Variants in RBM26 observed in about 807,000 individuals in gnomAD.
The protein encoded by RBM26 is RNA-binding protein 26.
In RBM26, 30 loss-of-function variants were observed where a neutral mutation model predicts 123.6. That is an observed-to-expected ratio of 0.24 (90% confidence interval 0.18 to 0.33). The LOEUF (loss-of-function observed/expected upper bound fraction) is 0.33, where lower values mean the gene tolerates loss of function less well. Ranked by LOEUF, RBM26 falls within the 10% of genes least tolerant of loss-of-function variation. The pLI is 1.00. For missense variants in RBM26, 947 were observed against 1,203.6 expected (o/e 0.79, Z 3.15); for synonymous variants, 400 against 404.4 (o/e 0.99, Z 0.13).
chr13:79,370,069 G>C (rs1314269060), intron 5 of RBM26, among the ~76,000 whole-genome samples: 1 of 152,126 alleles, frequency 6.6e-6, no homozygotes, highest in African/African-American at 2.4e-5. Context: ...CAGCACTTTG[G>C]GAGGCTGAGG....
chr13:79,368,025 T>C (rs940684572), intron 6 of RBM26, among the ~76,000 whole-genome samples: 1 of 3,850 alleles, frequency 2.6e-4, no homozygotes, highest in Non-Finnish European at 0.01. Flanking sequence ...CTTTTTATTT[T>C]TTTATTTTTA....
chr13:79,313,741 T>A (rs1025705207), exon 5 of RBM26: 5 of 151,778 alleles, frequency 3.3e-5, no homozygotes, highest in Non-Finnish European at 7.4e-5. Context: ...CCATGCTGTA[T>A]CCAACCAATG....
chr13:79,388,302 G>C (rs1396476664), intron 1 of RBM26, among the ~76,000 whole-genome samples: 1 of 152,188 alleles, frequency 6.6e-6, no homozygotes, highest in African/African-American at 2.4e-5. Flanking sequence ...CACCATGGTG[G>C]CCAGGCTGGT....
chr13:79,315,554 C>T (rs1215385642), downstream of RBM26, among the ~76,000 whole-genome samples: 3 of 151,634 alleles, frequency 2.0e-5, no homozygotes, highest in African/African-American at 7.3e-5. Context: ...GCCTGGTATA[C>T]AAGGAGAGGC....
intron 21 of RBM26, among the ~76,000 whole-genome samples, chr13:79,321,642 ATCCC>A (rs2067679487): frequency 6.6e-6 from 1 of 151,260 alleles, no homozygotes; most frequent in African/African-American, 2.4e-5. Context: ...CCTGATGCTT[ATCCC>A]TCCATCTAAA....
rs563146630 is a variant in RBM26 at position 79,396,588 on chromosome 13, A to G, written c.71+9116T>C. Among the ~76,000 whole-genome samples the G allele has an allele frequency of 1.7e-3, 262 of 152,304 alleles. 1 individual carries two copies. Among genetic ancestry groups the G allele is most frequent in the African/African-American group, 6.1e-3 (252 of 41,554 alleles). Reference sequence around the variant, plus strand: ...ACACAGCCCTATACCTATTAAAGACATTGATTTTATAACCAAAAAATCCTC... The same window carrying G: ...ACACAGCCCTATACCTATTAAAGACGTTGATTTTATAACCAAAAAATCCTC... On this transcript the variant is annotated intron_variant, in intron 1 of 21. Transcript: ENST00000438737.
Position 79,359,570 on chromosome 13 carries a change from C to G in RBM26, c.1529+5G>C. ...TATACTCCTCAATTTTCCTGGCCACCTTACTTATCAAACCAAGTCTTCTTT... is the reference window on the plus strand; with the variant it reads ...TATACTCCTCAATTTTCCTGGCCACGTTACTTATCAAACCAAGTCTTCTTT... On this transcript the variant is annotated splice_donor_5th_base_variant and intron_variant, in intron 10 of 21. Coordinates refer to ENST00000438737, the MANE Select transcript of RBM26 (RefSeq NM_001366735.2). The G allele has an allele frequency of 7.0e-7, 1 of 1,420,078 alleles. No individual in the cohort carries two copies. Among genetic ancestry groups the G allele is most frequent in the Middle Eastern group, 1.8e-4 (1 of 5,686 alleles). 88.0% of individuals were successfully genotyped at this position (1,420,078 alleles called of 1,614,324 possible). A position where few individuals can be genotyped will look rare whatever the true frequency, so the allele number is the denominator to read the frequency against.
chr13:79,398,331 GT>G (rs2140505385), intron 1 of RBM26, among the ~76,000 whole-genome samples: 1 of 152,288 alleles, frequency 6.6e-6, no homozygotes, highest in Non-Finnish European at 1.5e-5. Flanking sequence ...CTATCTCTCA[GT>G]TTAAGCATGT....
rs1290520840 is a variant in RBM26, at chr13:79,394,918, GC to G, written c.71+10785del. 6.6e-5 allele frequency among the ~76,000 whole-genome samples: 10 copies of G among 152,328 alleles called. No homozygotes were observed. The East Asian group carries it at 1.3e-3, about 21-fold the overall frequency. ...CAGAGTGCTGGGATTACAGGTGTGA[GC>G]CACGGCACCCAGCCCCAAAGGGAAA... is the stretch of plus-strand genomic sequence containing the variant. On this transcript the variant is annotated intron_variant, in intron 1 of 21. Transcript: ENST00000438737.
intron 1 of RBM26, among the ~76,000 whole-genome samples, chr13:79,392,450 T>A (rs1198626575): frequency 1.4e-5 from 2 of 146,398 alleles, no homozygotes; most frequent in East Asian, 2.0e-4. Flanking sequence ...AATAATTATG[T>A]AAGTATTATG....
At chr13:79,378,055 C>A (rs918247009) in intron 2 of RBM26, among the ~76,000 whole-genome samples, 1 of 152,202 alleles carries the variant, frequency 6.6e-6, no homozygotes, top group Non-Finnish European at 1.5e-5. Context: ...CTGGAATGGT[C>A]GCAGCCCTCT....
At chr13:79,400,750 T>C (rs545070380) in intron 1 of RBM26, among the ~76,000 whole-genome samples, 4 of 152,324 alleles carry the variant, frequency 2.6e-5, no homozygotes, top group Admixed American at 2.6e-4. Context: ...TCAACACTGA[T>C]GTTATACACG....
intron 2 of RBM26, 32 bp from the exon 3 acceptor site, chr13:79,377,547 A>G: frequency 6.5e-7 from 1 of 1,534,366 alleles, no homozygotes; most frequent in Non-Finnish European, 9.0e-7. Flanking sequence ...ATAGATTAAA[A>G]CACATTTGTT....
chr13:79,340,973 C>T, intron 18 of RBM26, 150 bp downstream of exon 18: 1 of 472,022 alleles, frequency 2.1e-6, no homozygotes, highest in Non-Finnish European at 3.7e-6. Flanking sequence ...TGACCTCTTC[C>T]CTCTTTCCTA....
intron 14 of RBM26, among the ~76,000 whole-genome samples, chr13:79,350,926 A>G (rs888553236): frequency 1.1e-4 from 16 of 152,182 alleles, no homozygotes; most frequent in African/African-American, 3.9e-4. Context: ...AAGATGAATA[A>G]AAGTTACATA....
At chr13:79,402,691 G>T (rs573034061) in intron 1 of RBM26, among the ~76,000 whole-genome samples, 1 of 152,002 alleles carries the variant, frequency 6.6e-6, no homozygotes, top group African/African-American at 2.4e-5. Context: ...AACCTATAAC[G>T]CTTTCACAGG....
At chr13:79,400,255 G>T (rs773323428) in intron 1 of RBM26, among the ~76,000 whole-genome samples, 4 of 152,164 alleles carry the variant, frequency 2.6e-5, no homozygotes, top group Non-Finnish European at 5.9e-5. Flanking sequence ...CCACAAGATG[G>T]GTAATTTATA....
rs2076740823 is a variant in RBM26, at chr13:79,377,360, T to C, written c.327+19A>G. 13 of 1,605,784 alleles carry C rather than the reference T, an allele frequency of 8.1e-6. No individual in the cohort carries two copies. The highest frequency in any genetic ancestry group is 1.1e-5 in the Non-Finnish European group (13 of 1,172,638). On this transcript the variant is annotated intron_variant, in intron 3 of 21. Transcript: ENST00000438737. Reference sequence around the variant, plus strand: ...TTATGTGTTTAAATAACCTGTAAGGTATTAACACAAATCGTTACCTCTTCC... The same window carrying C: ...TTATGTGTTTAAATAACCTGTAAGGCATTAACACAAATCGTTACCTCTTCC...
At chr13:79,347,613 T>C (rs1381991646) in intron 14 of RBM26, among the ~76,000 whole-genome samples, 1 of 152,184 alleles carries the variant, frequency 6.6e-6, no homozygotes, top group Non-Finnish European at 1.5e-5. Flanking sequence ...TGCATTTCTA[T>C]ATGTGCTATA....
Sources: allele counts gnomAD v4.1 joint callset (sites outside exome capture counted in the v4.1 genomes callset), GRCh38; gene constraint gnomAD v4.1.1; transcripts MANE v1.5; gene names NCBI Gene and HGNC (gene_info 2026-07-23, HGNC 2026-07-21).